Variants in RPTOR observed in about 807,000 individuals in gnomAD.
RPTOR encodes the protein regulatory-associated protein of mTOR.
RPTOR carries 21 observed loss-of-function variants against 169.9 expected under a neutral mutation model. The ratio of observed to expected loss-of-function variants is 0.12; its 90% CI spans 0.09 to 0.18. RPTOR has a LOEUF of 0.18. Ranked by LOEUF, RPTOR falls within the 10% of genes least tolerant of loss-of-function variation. The pLI, the probability that RPTOR is intolerant of heterozygous loss-of-function variation, is 1.00. For synonymous variants in RPTOR, 732 were observed against 753.2 expected, an observed-to-expected ratio of 0.97 and a Z score of 0.46; for missense variants, 1,133 against 1,855.9, an observed-to-expected ratio of 0.61 and a Z score of 7.16.
At chr17:80,955,085 G>A (rs984386217) in intron 28 of RPTOR, among the ~76,000 whole-genome samples, 1 of 152,228 alleles carries the variant, frequency 6.6e-6, no homozygotes. Context: ...AGCCATGGAT[G>A]AAAAGACTCA....
intron 3 of RPTOR, among the ~76,000 whole-genome samples, chr17:80,654,480 A>T (rs118085081): frequency 0.011 from 1,622 of 152,318 alleles, 11 homozygotes; most frequent in Non-Finnish European, 0.016. Context: ...TAACTGGCCC[A>T]TCTGTGGGTT....
At chr17:80,575,722 G>A (rs1041338732) in intron 1 of RPTOR, among the ~76,000 whole-genome samples, 2 of 152,178 alleles carry the variant, frequency 1.3e-5, no homozygotes, top group Non-Finnish European at 2.9e-5. Context: ...TGTCCATTAA[G>A]TCAAATATTT....
chr17:80,954,342 G>T (rs965272332), intron 28 of RPTOR, among the ~76,000 whole-genome samples: 1 of 152,066 alleles, frequency 6.6e-6, no homozygotes, highest in South Asian at 2.1e-4. Flanking sequence ...GGCTGGTCTC[G>T]AACTCCTGAC....
chr17:80,868,948 G>C (rs1458480693), intron 13 of RPTOR, among the ~76,000 whole-genome samples: 1 of 152,182 alleles, frequency 6.6e-6, no homozygotes, highest in Non-Finnish European at 1.5e-5. Flanking sequence ...GGGCAGGTGA[G>C]GGTGGGGGCA....
chr17:80,714,878 C>A (rs1598249914), intron 4 of RPTOR, among the ~76,000 whole-genome samples: 1 of 152,118 alleles, frequency 6.6e-6, no homozygotes. Context: ...CGTCCACCAC[C>A]GTTCCCAGCT....
intron 6 of RPTOR, among the ~76,000 whole-genome samples, chr17:80,760,371 G>A (rs191935194): frequency 5.3e-4 from 70 of 133,254 alleles, no homozygotes; most frequent in Non-Finnish European, 7.6e-5. Flanking sequence ...GCGTGATCTC[G>A]GCTCACTGCA....
At chr17:80,682,278 A>T (rs1446104808) in intron 3 of RPTOR, among the ~76,000 whole-genome samples, 2 of 151,790 alleles carry the variant, frequency 1.3e-5, no homozygotes, top group African/African-American at 4.8e-5. Flanking sequence ...TAATTGTTAA[A>T]TTTTTTTGTA....
At chr17:80,686,542 T>C (rs4243240) in intron 3 of RPTOR, among the ~76,000 whole-genome samples, 26,217 of 151,328 alleles carry the variant, frequency 0.17, 3,654 homozygotes, top group African/African-American at 0.39. Context: ...AAGAGAAAGG[T>C]AAATTTACAG....
chr17:80,900,653 C>G (rs1193363117), intron 20 of RPTOR, among the ~76,000 whole-genome samples: 1 of 152,240 alleles, frequency 6.6e-6, no homozygotes, highest in African/African-American at 2.4e-5. Flanking sequence ...GCAGCATCAC[C>G]CCTCGGTGCT....
chr17:80,848,728 A>G (rs1264553706), intron 11 of RPTOR, among the ~76,000 whole-genome samples: 1 of 152,228 alleles, frequency 6.6e-6, no homozygotes, highest in Non-Finnish European at 1.5e-5. Flanking sequence ...ATGGAGTAAA[A>G]TCGGCCCTCT....
chr17:80,838,012 G>C lies in RPTOR; in HGVS notation c.1212+15G>C. 3 of 1,602,168 alleles carry C rather than the reference G, an allele frequency of 1.9e-6. No homozygotes were observed. Among genetic ancestry groups the C allele is most frequent in the Non-Finnish European group, 2.6e-6 (3 of 1,173,828 alleles). On this transcript the variant is annotated intron_variant, in intron 10 of 33. Transcript: ENST00000306801. Reference sequence around the variant, plus strand: ...CTGCGTTTCGGGTGAGTCCCTCCAAGGGCACCCTGTGCATCCGCGGCGGCA... The same window carrying C: ...CTGCGTTTCGGGTGAGTCCCTCCAACGGCACCCTGTGCATCCGCGGCGGCA...
At chr17:80,739,502 C>G (rs961130267) in intron 5 of RPTOR, among the ~76,000 whole-genome samples, 6 of 152,124 alleles carry the variant, frequency 3.9e-5, no homozygotes, top group Non-Finnish European at 7.4e-5. Context: ...ACAGGATACT[C>G]CCTCCAGCAG....
At position 80,609,465 on chromosome 17, in the gene RPTOR, G is replaced by T. The variant is rs2065254309; in HGVS notation, c.163-16226G>T. On this transcript the variant is annotated intron_variant, in intron 1 of 33. Transcript: ENST00000306801. The surrounding 1 kb of genome is among the most constrained non-coding windows in gnomAD (Gnocchi z 4.8). The stretch of plus-strand genomic sequence containing the variant: ...AGATGTGTATAAATCATTTGATTTG[G>T]CTGGGCAGGGTGGCTCACACCTGTA... 6.6e-6 allele frequency among the ~76,000 whole-genome samples: 1 copy of T among 152,166 alleles called. No homozygotes were observed. Among genetic ancestry groups the T allele is most frequent in the African/African-American group, 2.4e-5 (1 of 41,430 alleles).
intron 1 of RPTOR, among the ~76,000 whole-genome samples, chr17:80,554,933 TATA>T (rs1264760328): frequency 2.6e-5 from 4 of 152,204 alleles, no homozygotes; most frequent in African/African-American, 4.8e-5. Context: ...TATTTGAATA[TATA>T]ATAAGTTTGA....
intron 28 of RPTOR, among the ~76,000 whole-genome samples, chr17:80,953,032 T>C (rs2069202816): frequency 6.6e-6 from 1 of 151,642 alleles, no homozygotes; most frequent in African/African-American, 2.4e-5. Flanking sequence ...GCCTGGCTAA[T>C]TTTTGTATTT....
At chr17:80,892,690 G>A in intron 18 of RPTOR, 39 bp from the exon 19 acceptor site, 1 of 1,603,300 alleles carries the variant, frequency 6.2e-7, no homozygotes, top group Non-Finnish European at 8.5e-7. Flanking sequence ...GCCTCCACCT[G>A]GAAGCCCATT....
intron 9 of RPTOR, among the ~76,000 whole-genome samples, chr17:80,833,706 C>T (rs60720478): frequency 0.12 from 18,623 of 152,258 alleles, 2,301 homozygotes; most frequent in African/African-American, 0.32. Flanking sequence ...GGTTGCCGTG[C>T]AGGCCGGGTG....
chr17:80,811,727 C>T (rs923523298), intron 7 of RPTOR, among the ~76,000 whole-genome samples: 6 of 76,704 alleles, frequency 7.8e-5, no homozygotes, highest in Middle Eastern at 8.6e-3. Context: ...CAAGGGACAC[C>T]GCCTCTCTCC....
At chr17:80,867,865 A>C (rs904325301) in intron 13 of RPTOR, among the ~76,000 whole-genome samples, 1 of 152,240 alleles carries the variant, frequency 6.6e-6, no homozygotes, top group Non-Finnish European at 1.5e-5. Context: ...GAAATGAAGG[A>C]AGACCTAAAT....
Sources: allele counts gnomAD v4.1 joint callset (sites outside exome capture counted in the v4.1 genomes callset), GRCh38; gene constraint gnomAD v4.1.1; non-coding constraint Gnocchi (gnomAD v3.1); transcripts MANE v1.5; gene names NCBI Gene and HGNC (gene_info 2026-07-23, HGNC 2026-07-21).